VASP: variants seen among roughly 807,000 people sequenced by gnomAD.
VASP encodes the protein vasodilator-stimulated phosphoprotein.
VASP carries 27 observed loss-of-function variants against 54.4 expected under a neutral mutation model. That is an observed-to-expected ratio of 0.50 (90% CI 0.37 to 0.68). The LOEUF (loss-of-function observed/expected upper bound fraction) is 0.68. VASP is among the 30% of genes least tolerant of loss of function. VASP has a pLI of 0.00. For synonymous variants in VASP, 233 were observed against 209.8 expected (o/e 1.11, Z -0.96); for missense variants, 488 against 528.3 (o/e 0.92, Z 0.75).
In VASP at chr19:45,507,830, G is replaced by A; in HGVS notation, c.5+54G>A. 1.9e-6 allele frequency: 2 copies of A among 1,028,310 alleles called. No individual in the cohort carries two copies. Among genetic ancestry groups the A allele is most frequent in the Non-Finnish European group, 2.4e-6 (2 of 820,550 alleles). The allele number at this position is 1,028,310 out of a possible 1,614,324, so 63.7% of individuals were successfully genotyped here. On this transcript the variant is annotated intron_variant, in intron 1 of 12. Coordinates refer to ENST00000245932, the MANE Select transcript of VASP (RefSeq NM_003370.4). This position sits in a 1 kb window ranked among gnomAD's most constrained non-coding sequence, Gnocchi z 4.4. ...CCCGCCCGGGCGGGCTCCGCGCCCC[G>A]CCTTTGTCCCCCTCCCCCCCAGCTA...
intron 7 of VASP, among the ~76,000 whole-genome samples, chr19:45,523,105 C>T (rs78549131): frequency 0.082 from 12,499 of 151,668 alleles, 841 homozygotes; most frequent in East Asian, 0.21. Context: ...AACACAGCAC[C>T]GCTCCACCCT....
At position 45,507,791 on chromosome 19, in the gene VASP, C is replaced by A; in HGVS notation, c.5+15C>A. ...GCAGCCATGAGGTGAGCCGGACCTG[C>A]CCCCCGACCCGTCCCCGCCCGGGCG... On this transcript the variant is annotated intron_variant, in intron 1 of 12. Coordinates refer to ENST00000245932, the MANE Select transcript of VASP (RefSeq NM_003370.4). The surrounding 1 kb of genome is among the most constrained non-coding windows in gnomAD (Gnocchi z 4.4). 6.3e-6 allele frequency: 9 copies of A among 1,423,944 alleles called. No homozygotes were observed. Among genetic ancestry groups the A allele is most frequent in the Non-Finnish European group, 8.2e-6 (9 of 1,098,050 alleles). The allele number at this position is 1,423,944 out of a possible 1,614,324, so 88.2% of individuals were successfully genotyped here.
chr19:45,516,349 G>A (rs1279584885), intron 1 of VASP, among the ~76,000 whole-genome samples: 1 of 152,250 alleles, frequency 6.6e-6, no homozygotes, highest in Non-Finnish European at 1.5e-5. Flanking sequence ...GCGAGGGGTG[G>A]GCAGCGGGAA....
At chr19:45,525,686 ACT>A (rs1195191708) in intron 11 of VASP, 10 of 348,164 alleles carry the variant, frequency 2.9e-5, no homozygotes, top group African/African-American at 2.2e-4. Context: ...TGACAGGGAG[ACT>A]CTGTTTCAAA....
In VASP at chr19:45,526,482, A is replaced by C. The variant is rs1368005034; in HGVS notation, c.*305A>C. On this transcript the variant is annotated 3_prime_UTR_variant, in exon 13 of 13. Coordinates refer to ENST00000245932, the MANE Select transcript of VASP (RefSeq NM_003370.4). ...ACCCCACAGGAAGGGGGAAGGAAGG[A>C]GGGAATTTCACATTCCCTTGTTCTA... is the stretch of plus-strand genomic sequence containing the variant. 1 of 312,502 alleles carries C rather than the reference A, an allele frequency of 3.2e-6. No homozygotes were observed. The highest frequency in any genetic ancestry group is 4.9e-5 in the Admixed American group (1 of 20,228). The allele number at this position is 312,502 out of a possible 1,614,324, so 19.4% of individuals were successfully genotyped here.
intron 1 of VASP, among the ~76,000 whole-genome samples, chr19:45,513,502 C>T (rs552101394): frequency 2.1e-3 from 252 of 121,662 alleles, no homozygotes; most frequent in African/African-American, 6.4e-3. Flanking sequence ...GACAGAGTCT[C>T]GCTCTGTCTC....
At chr19:45,520,919 G>A (rs1406206991) in intron 3 of VASP, among the ~76,000 whole-genome samples, 4 of 152,218 alleles carry the variant, frequency 2.6e-5, no homozygotes. Context: ...AGCCGTGATT[G>A]CACTGCTGCA....
Position 45,517,847 on chromosome 19 carries a change from GC to G in VASP, c.177+15del. The G allele has an allele frequency of 6.2e-7, 1 of 1,611,458 alleles. No individual in the cohort carries two copies. The highest frequency in any genetic ancestry group is 8.5e-7 in the Non-Finnish European group (1 of 1,179,206). On this transcript the variant is annotated intron_variant, in intron 2 of 12. Transcript: ENST00000245932. ...GCCCGACCAGCAGGTGCAGCTTCCC[GC>G]CGGCCCCCTCTGTGGGCTGAACCCC... is the stretch of plus-strand genomic sequence containing the variant.
At chr19:45,525,922 T>A in intron 11 of VASP, 24 bp from the exon 12 acceptor site, 2 of 1,602,668 alleles carry the variant, frequency 1.2e-6, no homozygotes, top group Non-Finnish European at 1.7e-6. Flanking sequence ...CCCCTCCTGA[T>A]TAGTTTTACC....
intron 3 of VASP, among the ~76,000 whole-genome samples, 200 bp downstream of exon 3, chr19:45,518,294 G>A (rs778722293): frequency 6.6e-6 from 1 of 152,306 alleles, no homozygotes; most frequent in East Asian, 1.9e-4. Context: ...TTGGCCCGGC[G>A]CCGTGGCTCA....
At chr19:45,512,842 G>A (rs1159654935) in intron 1 of VASP, among the ~76,000 whole-genome samples, 2 of 151,928 alleles carry the variant, frequency 1.3e-5, no homozygotes, top group Non-Finnish European at 1.5e-5. Flanking sequence ...CTTGTGATCC[G>A]CCTGCCTTGG....
At chr19:45,524,454 A>G in intron 10 of VASP, 116 bp from the exon 11 acceptor site, 1 of 1,092,042 alleles carries the variant, frequency 9.2e-7, no homozygotes, top group East Asian at 2.4e-5. Flanking sequence ...CCCCAAAAAT[A>G]CTTGGACTTG....
chr19:45,510,929 T>A (rs1455229396), intron 1 of VASP, among the ~76,000 whole-genome samples: 2 of 105,104 alleles, frequency 1.9e-5, no homozygotes, highest in Non-Finnish European at 3.8e-5. Flanking sequence ...TGAGACCCTG[T>A]CTCAAAAAAA....
rs1031554049 is a variant in VASP at position 45,510,045 on chromosome 19, A to G, written c.5+2269A>G. On this transcript the variant is annotated intron_variant, in intron 1 of 12. Transcript: ENST00000245932. ...AGCTGGGGTGCTGGGAAGACAGAGAAGCGAGGCAGAGGTCTAGAATCTCAG... is the reference window on the plus strand; with the variant it reads ...AGCTGGGGTGCTGGGAAGACAGAGAGGCGAGGCAGAGGTCTAGAATCTCAG... 8.5e-5 allele frequency among the ~76,000 whole-genome samples: 13 copies of G among 152,322 alleles called. No individual in the cohort carries two copies. In the East Asian group the frequency reaches 1.7e-3, roughly 20 times the overall value.
intron 1 of VASP, among the ~76,000 whole-genome samples, chr19:45,517,307 C>T (rs1480658262): frequency 1.3e-5 from 2 of 151,932 alleles, no homozygotes. Flanking sequence ...TTATCTCTTT[C>T]TGTGTCTGCC....
intron 11 of VASP, 78 bp from the exon 12 acceptor site, chr19:45,525,868 C>G (rs1328599350): frequency 6.9e-7 from 1 of 1,457,202 alleles, no homozygotes; most frequent in Non-Finnish European, 9.4e-7. Context: ...GGTTCCTTCT[C>G]AAAAAATAAA....
chr19:45,515,813 C>T (rs1025274272), intron 1 of VASP, among the ~76,000 whole-genome samples: 1 of 152,160 alleles, frequency 6.6e-6, no homozygotes, highest in Non-Finnish European at 1.5e-5. Flanking sequence ...GCTGTAATTA[C>T]AGGCGTGAGC....
chr19:45,522,683 C>CTT (rs1383603605), intron 6 of VASP, 35 bp from the exon 7 acceptor site: 16 of 1,598,002 alleles, frequency 1.0e-5, no homozygotes, highest in Non-Finnish European at 1.4e-5. Flanking sequence ...AAAAGGCCTG[C>CTT]CCCTAAAGCT....
In VASP at chr19:45,518,077, C is replaced by T. The variant is rs1310412004; in HGVS notation, c.326C>T (p.Ala109Val). Reference protein sequence around the residue: ...AAQFAAGMASALEALEGGGPP... With the variant: ...AAQFAAGMASVLEALEGGGPP... ...CAGTTTGCCGCCGGCATGGCCAGTG[C>T]CCTAGAGGCGTTGGAAGGTCAGAAA... Residue 109 changes from alanine to valine, a missense_variant, in exon 3 of 13, where the codon GCC becomes GTC. Transcript: ENST00000245932. 1 of 1,613,374 alleles carries T rather than the reference C, an allele frequency of 6.2e-7. No individual in the cohort carries two copies. Among genetic ancestry groups the T allele is most frequent in the Non-Finnish European group, 8.5e-7 (1 of 1,179,902 alleles).
Sources: allele counts gnomAD v4.1 joint callset (sites outside exome capture counted in the v4.1 genomes callset), GRCh38; gene constraint gnomAD v4.1.1; non-coding constraint Gnocchi (gnomAD v3.1); transcripts MANE v1.5; gene names NCBI Gene and HGNC (gene_info 2026-07-23, HGNC 2026-07-21).